The following CALHM2 variants were observed in gnomAD, a reference collection of about 807,000 sequenced individuals.
CALHM2 encodes calcium homeostasis modulator protein 2.
Under a neutral mutation model 20.4 loss-of-function variants are expected in CALHM2, and 18 were observed. The observed-to-expected ratio is 0.88, with a 90% CI of 0.61 to 1.31. CALHM2 has a LOEUF of 1.31. Among genes scored for constraint, CALHM2 ranks in the 50% most tolerant of loss-of-function variants. CALHM2 has a pLI of 0.00. For synonymous variants in CALHM2, 193 were observed against 192.1 expected (o/e 1.00, Z -0.04); for missense variants, 411 against 435.7 (o/e 0.94, Z 0.50).
rs764724185 is a variant in CALHM2, at chr10:103,449,926, C to T, written c.16G>A (p.Ala6Thr). Residue 6 changes from alanine (A) to threonine (T), a missense_variant, in exon 3 of 4, where the codon GCA (alanine) becomes ACA (threonine). Ala to Thr is a moderately conservative substitution (Grantham distance 58). Coordinates refer to ENST00000260743, the MANE Select transcript of CALHM2 (RefSeq NM_015916.5). MAALI[A>T]ENFRFLSLFF... Reference sequence around the variant, plus strand: ...AGTGACAGGAAGCGGAAGTTCTCTGCGATCAGGGCTGCCATGGCGATAGTC... The same window carrying T: ...AGTGACAGGAAGCGGAAGTTCTCTGTGATCAGGGCTGCCATGGCGATAGTC... 1.7e-5 allele frequency: 27 copies of T among 1,611,100 alleles called. No homozygotes were observed. Among genetic ancestry groups the T allele is most frequent in the Admixed American group, 6.7e-5 (4 of 59,948 alleles).
chr10:103,450,205 G>A, intron 2 of CALHM2, 106 bp from the exon 3 acceptor site: 1 of 524,446 alleles, frequency 1.9e-6, no homozygotes, highest in Non-Finnish European at 3.4e-6. Flanking sequence ...GGGCCCCAGG[G>A]AAGTGACAGT....
chr10:103,452,012 G>C (rs2033021014), intron 1 of CALHM2, 144 bp downstream of exon 1: 1 of 152,488 alleles, frequency 6.6e-6, no homozygotes, highest in African/African-American at 2.4e-5. Flanking sequence ...GAGACTGGCG[G>C]CTCGGGGAGG....
In CALHM2 at chr10:103,447,327, T is replaced by C. The variant is rs745672021; in HGVS notation, c.797A>G (p.Asn266Ser). ...LNKDDEELIA[N>S]FPVEGTQPRP... Reference sequence around the variant, plus strand: ...TGGCTGCGTGCCTTCCACTGGGAAGTTGGCAATCAGTTCCTCATCATCCTT... The same window carrying C: ...TGGCTGCGTGCCTTCCACTGGGAAGCTGGCAATCAGTTCCTCATCATCCTT... Residue 266 changes from asparagine (N) to serine (S), a missense_variant, in exon 4 of 4, where the codon AAC becomes AGC. Transcript: ENST00000260743. 6 of 1,614,090 alleles carry C rather than the reference T, an allele frequency of 3.7e-6. No individual in the cohort carries two copies. The highest frequency in any genetic ancestry group is 1.3e-5 in the African/African-American group (1 of 74,932).
In CALHM2 at chr10:103,447,232, G is replaced by A. The variant is rs1420917138; in HGVS notation, c.892C>T (p.Arg298Cys). The A allele has an allele frequency of 5.0e-6, 8 of 1,614,068 alleles. No homozygotes were observed. The highest frequency in any genetic ancestry group is 2.2e-5 in the East Asian group (1 of 44,900). ...RENQGLPLYS[R>C]LHKWAQGLAG... ...AGACCCTGGGCCCACTTGTGCAGGC[G>A]GCTGTAGAGTGGGAGGCCCTGGTTC... The change falls in exon 4 of 4, where the codon CGC (arginine) becomes TGC (cysteine). Residue 298 changes from arginine (R) to cysteine (C), a missense_variant. Coordinates refer to ENST00000260743, the MANE Select transcript of CALHM2 (RefSeq NM_015916.5).
In CALHM2 at chr10:103,449,924, T is replaced by C; in HGVS notation, c.18A>G (p.Ala6=). The change falls in exon 3 of 4, where the codon GCA becomes GCG. Residue 6 remains alanine, a synonymous_variant. Transcript: ENST00000260743. ...AAAGTGACAGGAAGCGGAAGTTCTC[T>C]GCGATCAGGGCTGCCATGGCGATAG... is the stretch of plus-strand genomic sequence containing the variant. MAALI[A]ENFRFLSLFF... The C allele has an allele frequency of 6.2e-7, 1 of 1,611,756 alleles. No homozygotes were observed. The highest frequency in any genetic ancestry group is 8.5e-7 in the Non-Finnish European group (1 of 1,179,004).
chr10:103,450,605 G>A (rs537467899), intron 2 of CALHM2: 1 of 154,414 alleles, frequency 6.5e-6, no homozygotes, highest in Non-Finnish European at 1.4e-5. Flanking sequence ...GTGAGTGTCC[G>A]GGTGGATAAG....
At chr10:103,450,636 C>G (rs375185406) in intron 2 of CALHM2, 1 of 153,170 alleles carries the variant, frequency 6.5e-6, no homozygotes, top group Non-Finnish European at 1.5e-5. Context: ...AGGATCCTGC[C>G]GTGTGGGCTG....
chr10:103,447,064 A>AT lies in CALHM2; in HGVS notation c.*87dup. ...CCAAGAAGATAACAGTTTTTTAAAAATCCCCTTCTGATATGGATGTGAGCA... is the reference window on the plus strand; with the variant it reads ...CCAAGAAGATAACAGTTTTTTAAAAATTCCCCTTCTGATATGGATGTGAGCA... On this transcript the variant is annotated 3_prime_UTR_variant, in exon 4 of 4. Coordinates refer to ENST00000260743, the MANE Select transcript of CALHM2 (RefSeq NM_015916.5). 1 of 1,364,032 alleles carries AT rather than the reference A, an allele frequency of 7.3e-7. No homozygotes were observed. The highest frequency in any genetic ancestry group is 1.4e-5 in the South Asian group (1 of 70,186). The allele number at this position is 1,364,032 out of a possible 1,614,324, so 84.5% of individuals were successfully genotyped here.
rs1181523007 is a variant in CALHM2 at position 103,449,651 on chromosome 10, G to A, written c.291C>T (p.Ala97=). 8 of 1,613,898 alleles carry A rather than the reference G, an allele frequency of 5.0e-6. No homozygotes were observed. The highest frequency in any genetic ancestry group is 6.8e-6 in the Non-Finnish European group (8 of 1,180,034). Reference sequence around the variant, plus strand: ...TGGAGCTTAGAAGGAGGAAGGTGGGGGCGGCGGAGCAGTTCTTGGTCCTCC... The same window carrying A: ...TGGAGCTTAGAAGGAGGAAGGTGGGAGCGGCGGAGCAGTTCTTGGTCCTCC... The part of the protein sequence containing the change: ...QHRRTKNCSA[A]PTFLLLSSIL... Residue 97 remains alanine, a synonymous_variant, in exon 3 of 4, where the codon GCC becomes GCT. Coordinates refer to ENST00000260743, the MANE Select transcript of CALHM2 (RefSeq NM_015916.5).
chr10:103,451,011 A>G (rs1396015790), intron 2 of CALHM2, 72 bp downstream of exon 2: 3 of 152,172 alleles, frequency 2.0e-5, no homozygotes, highest in Non-Finnish European at 4.4e-5. Flanking sequence ...ACCACAACCT[A>G]AGGAGACTTG....
chr10:103,449,408 G>A lies in CALHM2; in HGVS notation c.534C>T (p.Arg178=), dbSNP rs2032843315. Residue 178 remains arginine (R), a synonymous_variant, in exon 3 of 4, where the codon CGC becomes CGT. Coordinates refer to ENST00000260743, the MANE Select transcript of CALHM2 (RefSeq NM_015916.5). The part of the protein sequence containing the change: ...NLSDFREEVS[R]RLRYESQLFG... ...TTACCTGGGACTCATACCTGAGCCTGCGGCTGACCTCCTCCCGGAAGTCTG... is the reference window on the plus strand; with the variant it reads ...TTACCTGGGACTCATACCTGAGCCTACGGCTGACCTCCTCCCGGAAGTCTG... The A allele has an allele frequency of 6.2e-7, 1 of 1,612,950 alleles. No individual in the cohort carries two copies.
intron 3 of CALHM2, 76 bp from the exon 4 acceptor site, chr10:103,447,644 G>T (rs1019328968): frequency 1.5e-6 from 2 of 1,291,754 alleles, no homozygotes; most frequent in Admixed American, 2.6e-5. Context: ...AATGGAAAAG[G>T]AGCAAGTTCT....
rs1310938266 is a variant in CALHM2, at chr10:103,449,633, T to A, written c.309A>T (p.Leu103=). The A allele has an allele frequency of 3.7e-6, 6 of 1,613,582 alleles. No individual in the cohort carries two copies. Among genetic ancestry groups the A allele is most frequent in the Non-Finnish European group, 5.1e-6 (6 of 1,179,986 alleles). ...CAGCCGCACGTCCCAGGATGGAGCT[T>A]AGAAGGAGGAAGGTGGGGGCGGCGG... ...NCSAAPTFLL[L]SSILGRAAVA... is the part of the protein sequence containing the mutation. Residue 103 remains leucine, a synonymous_variant, in exon 3 of 4, where the codon CTA becomes CTT. Transcript: ENST00000260743.
chr10:103,449,559 T>C lies in CALHM2; in HGVS notation c.383A>G (p.Tyr128Cys). Residue 128 changes from tyrosine (Y) to cysteine (C), a missense_variant, in exon 3 of 4, where the codon TAT becomes TGT. Transcript: ENST00000260743. ...SVISLLRGEA[Y>C]VCALSEFVDP... ...CACGAACTCACTGAGAGCACAGACA[T>C]AAGCCTCACCACGCAGCAGGGAGAT... 6.2e-7 allele frequency: 1 copy of C among 1,613,740 alleles called. No individual in the cohort carries two copies. Among genetic ancestry groups the C allele is most frequent in the Non-Finnish European group, 8.5e-7 (1 of 1,180,010 alleles).
At position 103,449,448 on chromosome 10, in the gene CALHM2, T is replaced by C. The variant is rs776405381; in HGVS notation, c.494A>G (p.Asn165Ser). Residue 165 changes from asparagine to serine, a missense_variant, in exon 3 of 4, where the codon AAC becomes AGC. Asn to Ser is a conservative substitution (Grantham distance 46, BLOSUM62 1). Coordinates refer to ENST00000260743, the MANE Select transcript of CALHM2 (RefSeq NM_015916.5). ...EILARFPCKE[N>S]PDNLSDFREE... ...CCGGAAGTCTGACAGGTTGTCAGGG[T>C]TCTCCTTGCAGGGGAACCTGGCCAG... The C allele has an allele frequency of 2.5e-6, 4 of 1,613,156 alleles. No homozygotes were observed. Among genetic ancestry groups the C allele is most frequent in the Non-Finnish European group, 3.4e-6 (4 of 1,180,042 alleles).
chr10:103,449,847 G>A lies in CALHM2; in HGVS notation c.95C>T (p.Thr32Met), dbSNP rs777105138. Residue 32 changes from threonine to methionine, a missense_variant, in exon 3 of 4, where the codon ACG becomes ATG. Thr to Met is a moderately conservative substitution (Grantham distance 81). Transcript: ENST00000260743. ...MIFNGLVALG[T>M]VGSQELFSVV... Reference sequence around the variant, plus strand: ...AGAGAACAGCTCCTGGCTGCCCACCGTGCCCAGTGCCACCAGGCCGTTGAA... The same window carrying A: ...AGAGAACAGCTCCTGGCTGCCCACCATGCCCAGTGCCACCAGGCCGTTGAA... 69 of 1,613,204 alleles carry A rather than the reference G, an allele frequency of 4.3e-5. No homozygotes were observed. Among genetic ancestry groups the A allele is most frequent in the African/African-American group, 6.7e-5 (5 of 74,912 alleles).
intron 3 of CALHM2, among the ~76,000 whole-genome samples, chr10:103,448,091 C>T (rs375732061): frequency 2.0e-5 from 3 of 152,174 alleles, no homozygotes; most frequent in Non-Finnish European, 2.9e-5. Flanking sequence ...ACCATCTTCC[C>T]GCTCTGGTGC....
At position 103,449,719 on chromosome 10, in the gene CALHM2, G is replaced by T; in HGVS notation, c.223C>A (p.Leu75Ile). 6.2e-7 allele frequency: 1 copy of T among 1,613,740 alleles called. No individual in the cohort carries two copies. Among genetic ancestry groups the T allele is most frequent in the Non-Finnish European group, 8.5e-7 (1 of 1,180,036 alleles). ...ALVLFIIGII[L>I]NNHTWNLVAE... ...ACGAGGTTCCAGGTGTGGTTGTTGA[G>T]GATGATGCCAATGATGAAGAGCACC... Residue 75 changes from leucine to isoleucine, a missense_variant, in exon 3 of 4, where the codon CTC becomes ATC. By Grantham distance (5) the Leu-to-Ile change is conservative. Transcript: ENST00000260743.
chr10:103,451,607 A>G, intron 1 of CALHM2: 1 of 154,504 alleles, frequency 6.5e-6, no homozygotes, highest in Non-Finnish European at 1.4e-5. Context: ...CTCCAAGAAA[A>G]GGAGAAGCTG....
Sources: allele counts gnomAD v4.1 joint callset (sites outside exome capture counted in the v4.1 genomes callset), GRCh38; gene constraint gnomAD v4.1.1; transcripts MANE v1.5; gene names NCBI Gene and HGNC (gene_info 2026-07-23, HGNC 2026-07-21).